COL11A1: variants seen among roughly 807,000 people sequenced by gnomAD.
The protein encoded by COL11A1 is collagen type XI alpha 1 chain.
In COL11A1, 74 loss-of-function variants were observed where a neutral mutation model predicts 265.2. The ratio of observed to expected loss-of-function variants is 0.28; its 90% CI spans 0.23 to 0.34. The LOEUF (loss-of-function observed/expected upper bound fraction) is 0.34, where lower values mean the gene tolerates loss of function less well. Among genes scored for constraint, COL11A1 ranks in the 10% least tolerant of loss-of-function variants. COL11A1 has a pLI of 1.00. For missense variants in COL11A1, 2,165 were observed against 2,263.6 expected, an observed-to-expected ratio of 0.96 and a Z score of 0.88; for synonymous variants, 816 against 727.6, an observed-to-expected ratio of 1.12 and a Z score of -1.96.
At chr1:103,026,713 C>T (rs1008253673) in intron 5 of COL11A1, among the ~76,000 whole-genome samples, 20 of 151,892 alleles carry the variant, frequency 1.3e-4, no homozygotes, top group African/African-American at 4.8e-4. Flanking sequence ...TATAAGAGCG[C>T]TACAGTAATT....
chr1:103,043,146 G>A (rs1271018742), intron 4 of COL11A1, among the ~76,000 whole-genome samples: 3 of 142,406 alleles, frequency 2.1e-5, no homozygotes, highest in African/African-American at 7.7e-5. Context: ...TATATATAAT[G>A]AATACCTGAA....
chr1:102,998,855 T>C (rs1340477416), intron 24 of COL11A1, among the ~76,000 whole-genome samples: 1 of 151,842 alleles, frequency 6.6e-6, no homozygotes, highest in African/African-American at 2.4e-5. Flanking sequence ...TGAAGGAAAG[T>C]AAATCGATTT....
chr1:103,032,683 C>A lies in COL11A1; in HGVS notation c.652-1439G>T, dbSNP rs189019624. ...TCTTAGTAAATACTGTGGTTACTACCTGTGGTGTGGTTGGCACTTATTTTT... is the reference window on the plus strand; with the variant it reads ...TCTTAGTAAATACTGTGGTTACTACATGTGGTGTGGTTGGCACTTATTTTT... On this transcript the variant is annotated intron_variant, in intron 4 of 66. Coordinates refer to ENST00000370096, the MANE Select transcript of COL11A1 (RefSeq NM_001854.4). Among the ~76,000 whole-genome samples the A allele has an allele frequency of 1.7e-3, 259 of 152,074 alleles. 1 individual carries two copies. Among genetic ancestry groups the A allele is most frequent in the Middle Eastern group, 0.01 (3 of 294 alleles).
At chr1:102,958,896 G>T (rs765267210) in intron 41 of COL11A1, among the ~76,000 whole-genome samples, 1 of 152,124 alleles carries the variant, frequency 6.6e-6, no homozygotes, top group Non-Finnish European at 1.5e-5. Context: ...GGCATGGAAG[G>T]CGTCACCAAA....
intron 21 of COL11A1, among the ~76,000 whole-genome samples, 190 bp from the exon 22 acceptor site, chr1:103,002,981 C>A (rs1454287725): frequency 1.3e-5 from 2 of 152,062 alleles, no homozygotes; most frequent in African/African-American, 4.8e-5. Context: ...GACAATCTAG[C>A]AACATTTTCC....
Position 102,970,248 on chromosome 1 carries a change from G to A in COL11A1, c.2833C>T (p.Pro945Ser). 6.2e-7 allele frequency: 1 copy of A among 1,611,896 alleles called. No individual in the cohort carries two copies. The highest frequency in any genetic ancestry group is 8.5e-7 in the Non-Finnish European group (1 of 1,178,684). The change falls in exon 37 of 67, where the codon CCA (proline) becomes TCA (serine). Residue 945 changes from proline (P) to serine (S), a missense_variant. Coordinates refer to ENST00000370096, the MANE Select transcript of COL11A1 (RefSeq NM_001854.4). ...PPGPPGKDGL[P>S]GHPGQRGETG... ...TCCCCACGTTGCCCAGGGTGTCCTG[G>A]CAGCCCATCCTTCCCAGGTGGTCCC...
At chr1:102,946,801 C>T (rs201180407) in intron 42 of COL11A1, 48 bp downstream of exon 42, 36 of 1,398,728 alleles carry the variant, frequency 2.6e-5, no homozygotes, top group African/African-American at 1.3e-4. Context: ...AAAGTAATAA[C>T]GTGTACAGGG....
intron 24 of COL11A1, among the ~76,000 whole-genome samples, chr1:102,998,891 AG>A (rs1262716449): frequency 1.3e-5 from 2 of 152,082 alleles, no homozygotes; most frequent in East Asian, 3.9e-4. Flanking sequence ...ATATCCTAAT[AG>A]GTACCCAATA....
chr1:102,945,731 A>G (rs1245983407), intron 42 of COL11A1, among the ~76,000 whole-genome samples: 1 of 152,170 alleles, frequency 6.6e-6, no homozygotes, highest in Non-Finnish European at 1.5e-5. Context: ...AAATACAATC[A>G]TATCAAAAGC....
At chr1:103,018,025 G>T (rs1571049736) in intron 10 of COL11A1, 143 bp from the exon 11 acceptor site, 1 of 757,702 alleles carries the variant, frequency 1.3e-6, no homozygotes, top group Non-Finnish European at 2.3e-6. Flanking sequence ...TTATCTTCCT[G>T]TGAAAAGACA....
At chr1:103,069,135 T>C (rs1463851329) in intron 4 of COL11A1, among the ~76,000 whole-genome samples, 1 of 151,694 alleles carries the variant, frequency 6.6e-6, no homozygotes, top group African/African-American at 2.4e-5. Flanking sequence ...GAATAAAAAG[T>C]AGGAGTATTT....
At chr1:102,951,592 C>T (rs1006903814) in intron 41 of COL11A1, among the ~76,000 whole-genome samples, 67 of 151,558 alleles carry the variant, frequency 4.4e-4, no homozygotes, top group Non-Finnish European at 2.1e-4. Flanking sequence ...AAAAATTAGC[C>T]GGGTGTGGTG....
chr1:103,062,281 A>T (rs1003370606), intron 4 of COL11A1, among the ~76,000 whole-genome samples: 8 of 151,984 alleles, frequency 5.3e-5, no homozygotes, highest in Non-Finnish European at 1.0e-4. Flanking sequence ...ATTCTCTGCA[A>T]CCTTTTTCAG....
chr1:103,044,284 A>G (rs1669071228), intron 4 of COL11A1, among the ~76,000 whole-genome samples: 1 of 151,964 alleles, frequency 6.6e-6, no homozygotes, highest in Non-Finnish European at 1.5e-5. Flanking sequence ...AACGCATCAG[A>G]GATTGCATTT....
chr1:102,970,082 A>C (rs977728145), intron 37 of COL11A1, 137 bp downstream of exon 37: 2 of 524,926 alleles, frequency 3.8e-6, no homozygotes, highest in Non-Finnish European at 6.8e-6. Context: ...ATATTTCAAT[A>C]AAAGGCTTAA....
chr1:102,902,241 G>A (rs867496768), intron 54 of COL11A1, among the ~76,000 whole-genome samples: 2 of 152,154 alleles, frequency 1.3e-5, no homozygotes, highest in African/African-American at 4.8e-5. Flanking sequence ...GTCTTGCTAT[G>A]AGTCAGAATA....
chr1:102,879,613 A>T, intron 66 of COL11A1, 70 bp downstream of exon 66: 3 of 1,389,562 alleles, frequency 2.2e-6, no homozygotes, highest in Non-Finnish European at 3.0e-6. Context: ...AATCTGGCTA[A>T]GGACCGACTG....
chr1:102,962,291 A>T (rs1368878012), intron 39 of COL11A1, 26 bp from the exon 40 acceptor site: 1 of 1,537,462 alleles, frequency 6.5e-7, no homozygotes. Flanking sequence ...AACATCGTCA[A>T]GACAGATTAA....
At chr1:102,908,369 A>T (rs1363788844) in intron 54 of COL11A1, among the ~76,000 whole-genome samples, 1 of 152,058 alleles carries the variant, frequency 6.6e-6, no homozygotes, top group African/African-American at 2.4e-5. Flanking sequence ...TTTTTGGATA[A>T]ATAGGAAATT....
Sources: allele counts gnomAD v4.1 joint callset (sites outside exome capture counted in the v4.1 genomes callset), GRCh38; gene constraint gnomAD v4.1.1; transcripts MANE v1.5; gene names NCBI Gene and HGNC (gene_info 2026-07-23, HGNC 2026-07-21).